Variants in CFAP74 observed in about 807,000 individuals in gnomAD.
CFAP74 encodes cilia and flagella associated protein 74, also known as cilia- and flagella-associated protein 74.
In CFAP74, 124 loss-of-function variants were observed where a neutral mutation model predicts 188.9. The observed-to-expected ratio is 0.66, with a 90% CI of 0.57 to 0.76. CFAP74 has a LOEUF of 0.76. Ranked by LOEUF, CFAP74 falls within the 30% of genes least tolerant of loss-of-function variation. The pLI is 0.00. For missense variants in CFAP74, 2,198 were observed against 2,165.2 expected (o/e 1.02, Z -0.30); for synonymous variants, 956 against 916.7 (o/e 1.04, Z -0.77).
chr1:1,924,376 C>A lies in CFAP74; in HGVS notation c.4234+15G>T. 2.3e-6 allele frequency: 1 copy of A among 434,496 alleles called. No individual in the cohort carries two copies. Among genetic ancestry groups the A allele is most frequent in the Non-Finnish European group, 3.5e-6 (1 of 288,096 alleles). 26.9% of individuals were successfully genotyped at this position (434,496 alleles called of 1,614,324 possible). ...ACCCCCGCAGCTCACCACCCACCCC[C>A]CACCCCCCGCTCACCGACCACCTCC... On this transcript the variant is annotated intron_variant, in intron 34 of 38. Transcript: ENST00000682832.
At chr1:1,956,921 A>T (rs1654684231) in intron 16 of CFAP74, 137 bp from the exon 17 acceptor site, 1 of 868,926 alleles carries the variant, frequency 1.2e-6, no homozygotes, top group Non-Finnish European at 1.8e-6. Flanking sequence ...CAGGTACACG[A>T]TTCAACCCAG....
chr1:1,937,243 G>A (rs1204305438), intron 25 of CFAP74, among the ~76,000 whole-genome samples: 2 of 152,256 alleles, frequency 1.3e-5, no homozygotes, highest in South Asian at 4.1e-4. Flanking sequence ...TGGGGAAGGA[G>A]CCAGCGTGGC....
chr1:1,942,098 C>G lies in CFAP74; in HGVS notation c.2545G>C (p.Glu849Gln). 1 of 1,532,290 alleles carries G rather than the reference C, an allele frequency of 6.5e-7. No homozygotes were observed. Among genetic ancestry groups the G allele is most frequent in the East Asian group, 2.5e-5 (1 of 40,452 alleles). 94.9% of individuals were successfully genotyped at this position (1,532,290 alleles called of 1,614,324 possible). Residue 849 changes from glutamate (E) to glutamine (Q), a missense_variant, in exon 22 of 39, where the codon GAG becomes CAG. Glu to Gln is a conservative substitution (Grantham distance 29). Transcript: ENST00000682832. This position sits in a 1 kb window ranked among gnomAD's most constrained non-coding sequence, Gnocchi z 4.3. Reference protein sequence around the residue: ...EVCKELRAHLELLPKTGYIQA... With the variant: ...EVCKELRAHLQLLPKTGYIQA... ...ATATAGCCTGTCTTGGGCAGGAGCT[C>G]CAGGTGGGCCCTCAGCTCCTTGCAC... is the stretch of plus-strand genomic sequence containing the variant.
chr1:1,990,814 A>G, intron 2 of CFAP74, 76 bp downstream of exon 2: 1 of 1,131,278 alleles, frequency 8.8e-7, no homozygotes, highest in Non-Finnish European at 1.3e-6. Flanking sequence ...AAAGGGAATT[A>G]AAGGGCTACT....
chr1:1,947,724 G>T (rs1653868225), intron 18 of CFAP74, among the ~76,000 whole-genome samples: 1 of 152,270 alleles, frequency 6.6e-6, no homozygotes. Flanking sequence ...GCCAGGCCAG[G>T]TCACTGTGGA....
chr1:1,941,334 C>G (rs1446174969), intron 22 of CFAP74, among the ~76,000 whole-genome samples: 2 of 152,294 alleles, frequency 1.3e-5, no homozygotes, highest in South Asian at 4.1e-4. Context: ...ACCTTGGTCC[C>G]GGCCCGGATG....
chr1:1,987,139 C>T, intron 4 of CFAP74, 104 bp from the exon 5 acceptor site: 7 of 862,572 alleles, frequency 8.1e-6, no homozygotes, highest in Non-Finnish European at 1.3e-5. Context: ...GCCAGACCCC[C>T]AGAGCCCCCC....
chr1:1,962,281 G>T (rs770321967), intron 14 of CFAP74, among the ~76,000 whole-genome samples: 26 of 152,168 alleles, frequency 1.7e-4, no homozygotes, highest in Admixed American at 3.3e-4. Flanking sequence ...TTCATGACCA[G>T]CCTGGCCAAC....
chr1:1,924,549 C>T (rs529902817), intron 33 of CFAP74, 29 bp from the exon 34 acceptor site: 20 of 1,587,302 alleles, frequency 1.3e-5, no homozygotes, highest in Middle Eastern at 1.7e-4. Flanking sequence ...GGTCACTGCC[C>T]GCCAGCCCCT....
At chr1:1,996,920 CAAA>C (rs200261557) in intron 1 of CFAP74, among the ~76,000 whole-genome samples, 3 of 84,630 alleles carry the variant, frequency 3.5e-5, no homozygotes, top group Non-Finnish European at 4.7e-5. Flanking sequence ...GACTCTGTCT[CAAA>C]AAAAAAAAAA....
At chr1:1,994,465 T>C (rs1482620079) in intron 1 of CFAP74, among the ~76,000 whole-genome samples, 1 of 152,186 alleles carries the variant, frequency 6.6e-6, no homozygotes, top group Non-Finnish European at 1.5e-5. Context: ...TTTTTTAAAC[T>C]TACAAAGAAA....
Position 1,968,560 on chromosome 1 carries a change from C to T in CFAP74, c.1245+75G>A. 1 of 1,327,886 alleles carries T rather than the reference C, an allele frequency of 7.5e-7. No homozygotes were observed. Among genetic ancestry groups the T allele is most frequent in the Non-Finnish European group, 1.1e-6 (1 of 940,150 alleles). 82.3% of individuals were successfully genotyped at this position (1,327,886 alleles called of 1,614,324 possible). A position where few individuals can be genotyped will look rare whatever the true frequency, so the allele number is the denominator to read the frequency against. The stretch of plus-strand genomic sequence containing the variant: ...CTGAGGTCCTCAGAGGATGTCTCAC[C>T]ACACCTGAGCCCTGAGGCCCCACCT... On this transcript the variant is annotated intron_variant, in intron 11 of 38. Coordinates refer to ENST00000682832, the MANE Select transcript of CFAP74 (RefSeq NM_001304360.2). The surrounding 1 kb of genome is among the most constrained non-coding windows in gnomAD (Gnocchi z 4.3).
In CFAP74 at chr1:1,955,835, A is replaced by G; in HGVS notation, c.2032T>C (p.Tyr678His). The change falls in exon 18 of 39, where the codon TAC becomes CAC. Residue 678 changes from tyrosine (Y) to histidine (H), a missense_variant. Coordinates refer to ENST00000682832, the MANE Select transcript of CFAP74 (RefSeq NM_001304360.2). The part of the protein sequence containing the change: ...SALKLSSLLT[Y>H]EDKSLYDKAA... ...TTGTCATACAAGCTTTTATCTTCGTAGGTCAGGAGACTGCTCTAGAGAGGA... is the reference window on the plus strand; with the variant it reads ...TTGTCATACAAGCTTTTATCTTCGTGGGTCAGGAGACTGCTCTAGAGAGGA... 6.2e-7 allele frequency: 1 copy of G among 1,613,306 alleles called. No individual in the cohort carries two copies. The highest frequency in any genetic ancestry group is 8.5e-7 in the Non-Finnish European group (1 of 1,179,952).
At position 1,955,916 on chromosome 1, in the gene CFAP74, G is replaced by T. The variant is rs573532536; in HGVS notation, c.2017-66C>A. 8.0e-5 allele frequency: 123 copies of T among 1,539,544 alleles called. 2 individuals are homozygous for T. The South Asian group carries it at 1.5e-3, about 19-fold the overall frequency. On this transcript the variant is annotated intron_variant, in intron 17 of 38. Transcript: ENST00000682832. ...ACCTCCTTTTCCCAGTCAGCTGCCG[G>T]AACTCCCATGAGGACAGGCCGTGTT...
Position 1,994,236 on chromosome 1 carries a change from T to C in CFAP74, c.-19-3261A>G, listed in dbSNP as rs200706576. Among the ~76,000 whole-genome samples, 11 of 150,708 alleles carry C rather than the reference T, an allele frequency of 7.3e-5. No individual in the cohort carries two copies. The East Asian group carries it at 2.2e-3, about 30-fold the overall frequency. ...CTAGTATAGAGACAGACATTTAACA[T>C]TGGGAATTAGCACTACCATTTTGCA... On this transcript the variant is annotated intron_variant, in intron 1 of 38. Transcript: ENST00000682832.
chr1:1,997,701 A>T (rs2102119924), intron 1 of CFAP74, among the ~76,000 whole-genome samples: 1 of 152,304 alleles, frequency 6.6e-6, no homozygotes, highest in South Asian at 2.1e-4. Context: ...AACAAAAGAC[A>T]CACAGACCTC....
At chr1:1,978,377 C>T (rs1453518085) in intron 6 of CFAP74, among the ~76,000 whole-genome samples, 1 of 152,012 alleles carries the variant, frequency 6.6e-6, no homozygotes, top group Non-Finnish European at 1.5e-5. Flanking sequence ...GGGAGCCGGG[C>T]TGGTTCCTCG....
chr1:1,940,714 A>G (rs1453215584), intron 22 of CFAP74, among the ~76,000 whole-genome samples: 1 of 152,246 alleles, frequency 6.6e-6, no homozygotes, highest in East Asian at 1.9e-4. Context: ...TCAAATTAAT[A>G]TGGAGTTTGC....
intron 25 of CFAP74, among the ~76,000 whole-genome samples, chr1:1,938,144 T>C (rs1479585245): frequency 2.4e-5 from 3 of 126,842 alleles, no homozygotes; most frequent in African/African-American, 9.2e-5. Flanking sequence ...TGCTCACACA[T>C]ACATGCACTC....
Sources: gnomAD v4.1 joint callset for allele counts (sites outside exome capture counted in the v4.1 genomes callset) on GRCh38, gnomAD v4.1.1 for gene constraint, Gnocchi (gnomAD v3.1) non-coding constraint, MANE v1.5 for transcripts, NCBI Gene and HGNC (gene_info 2026-07-23, HGNC 2026-07-21) for gene names.